The following GALNT13 variants were observed in gnomAD, a reference collection of about 807,000 sequenced individuals.
GALNT13 encodes the protein UDP-GalNAc:polypeptide N-acetylgalactosaminyltransferase 13.
In GALNT13, 28 loss-of-function variants were observed where a neutral mutation model predicts 64.2. The ratio of observed to expected loss-of-function variants is 0.44; its 90% CI spans 0.32 to 0.60. The LOEUF (loss-of-function observed/expected upper bound fraction) is 0.60. Among genes scored for constraint, GALNT13 ranks in the 20% least tolerant of loss-of-function variants. GALNT13 has a pLI of 0.05. For synonymous variants in GALNT13, 214 were observed against 224.6 expected, an observed-to-expected ratio of 0.95 and a Z score of 0.42; for missense variants, 577 against 669.8, an observed-to-expected ratio of 0.86 and a Z score of 1.53.
the GALNT13 span, among the ~76,000 whole-genome samples, chr2:153,224,494 A>ATT: frequency 3.4e-4 from 52 of 151,886 alleles, no homozygotes; most frequent in African/African-American, 9.2e-4. Context: ...TAAAAGTTGA[A>ATT]TTTTTTTTAA....
the GALNT13 span, among the ~76,000 whole-genome samples, chr2:153,525,212 T>G: frequency 6.6e-6 from 1 of 152,132 alleles, no homozygotes; most frequent in Non-Finnish European, 1.5e-5. Context: ...ACCTCCTAGC[T>G]AAAGAGCCCT....
intron 9 of GALNT13, among the ~76,000 whole-genome samples, chr2:154,332,848 T>A (rs1001634741): frequency 6.6e-6 from 1 of 152,166 alleles, no homozygotes. Flanking sequence ...ATAAGAAATC[T>A]ATCTTCTCAT....
the GALNT13 span, among the ~76,000 whole-genome samples, chr2:153,532,352 T>C: frequency 1.4e-4 from 22 of 152,218 alleles, no homozygotes; most frequent in African/African-American, 5.3e-4. Flanking sequence ...CTGGTCCATC[T>C]GGGATGCAGG....
chr2:153,805,774 T>C, the GALNT13 span, among the ~76,000 whole-genome samples: 7 of 152,202 alleles, frequency 4.6e-5, no homozygotes, highest in Admixed American at 3.3e-4. Flanking sequence ...TTAGTACTTA[T>C]GAGATTTACT....
chr2:153,151,871 C>T, the GALNT13 span, among the ~76,000 whole-genome samples: 1 of 151,856 alleles, frequency 6.6e-6, no homozygotes, highest in African/African-American at 2.4e-5. Context: ...TGGAGATACA[C>T]CTAATGTTAA....
the GALNT13 span, among the ~76,000 whole-genome samples, chr2:153,192,866 G>A: frequency 1.3e-5 from 2 of 151,928 alleles, no homozygotes; most frequent in Admixed American, 6.6e-5. Flanking sequence ...CATCTTCTGT[G>A]TATAGTCTAT....
chr2:153,119,678 C>A, the GALNT13 span, among the ~76,000 whole-genome samples: 1 of 152,166 alleles, frequency 6.6e-6, no homozygotes, highest in Non-Finnish European at 1.5e-5. Context: ...GTTGCCTATG[C>A]GCATGCCAGG....
At chr2:154,317,250 A>G (rs551141736) in intron 9 of GALNT13, among the ~76,000 whole-genome samples, 2 of 152,028 alleles carry the variant, frequency 1.3e-5, no homozygotes, top group East Asian at 1.9e-4. Context: ...GGTTTTTACT[A>G]AAAGGAGCTC....
At chr2:154,346,040 T>G (rs1229694764) in intron 9 of GALNT13, among the ~76,000 whole-genome samples, 1 of 151,996 alleles carries the variant, frequency 6.6e-6, no homozygotes, top group Non-Finnish European at 1.5e-5. Flanking sequence ...CAGTCCAGCA[T>G]CATACAAAGT....
chr2:154,022,579 T>C (rs1047274681), intron 3 of GALNT13, among the ~76,000 whole-genome samples: 22 of 152,156 alleles, frequency 1.4e-4, no homozygotes, highest in Non-Finnish European at 2.6e-4. Flanking sequence ...ATCTGATTCT[T>C]CTCTCTTTTC....
chr2:153,765,931 C>A, the GALNT13 span, among the ~76,000 whole-genome samples: 4 of 152,182 alleles, frequency 2.6e-5, no homozygotes, highest in Non-Finnish European at 5.9e-5. Flanking sequence ...CTTTTCCCCT[C>A]CTTTACCTTC....
chr2:153,885,975 G>A (rs1248740589), intron 1 of GALNT13, among the ~76,000 whole-genome samples: 2 of 151,884 alleles, frequency 1.3e-5, no homozygotes, highest in East Asian at 3.9e-4. Flanking sequence ...AATAATCATA[G>A]TTAGCTTTCT....
the GALNT13 span, among the ~76,000 whole-genome samples, chr2:153,458,020 T>C: frequency 6.6e-6 from 1 of 152,168 alleles, no homozygotes; most frequent in Non-Finnish European, 1.5e-5. Flanking sequence ...TACAAACGGC[T>C]CTTTTTGTTT....
chr2:154,219,682 G>A (rs1158714111), intron 4 of GALNT13, among the ~76,000 whole-genome samples: 1 of 151,998 alleles, frequency 6.6e-6, no homozygotes, highest in Admixed American at 6.6e-5. Flanking sequence ...GAAGGCATGG[G>A]CCAGGGGTAC....
intron 3 of GALNT13, among the ~76,000 whole-genome samples, chr2:154,025,364 C>T (rs1407418690): frequency 6.6e-6 from 1 of 152,216 alleles, no homozygotes; most frequent in Non-Finnish European, 1.5e-5. Context: ...CCTCTGATCT[C>T]ACCATCTGGA....
chr2:153,170,469 T>C, the GALNT13 span, among the ~76,000 whole-genome samples: 1 of 152,230 alleles, frequency 6.6e-6, no homozygotes, highest in Non-Finnish European at 1.5e-5. Flanking sequence ...TATATATGGA[T>C]ATGTAAACAT....
the GALNT13 span, among the ~76,000 whole-genome samples, chr2:153,565,936 G>A: frequency 1.3e-5 from 2 of 151,968 alleles, no homozygotes; most frequent in African/African-American, 4.8e-5. Flanking sequence ...ATAATGACTG[G>A]TACATAAAAA....
At chr2:153,763,512 A>G in the GALNT13 span, among the ~76,000 whole-genome samples, 1 of 152,168 alleles carries the variant, frequency 6.6e-6, no homozygotes, top group Admixed American at 6.5e-5. Flanking sequence ...TTCCCTGCCC[A>G]GGCTCTCTTG....
At chr2:153,243,383 A>G in the GALNT13 span, among the ~76,000 whole-genome samples, 1 of 152,268 alleles carries the variant, frequency 6.6e-6, no homozygotes, top group African/African-American at 2.4e-5. Context: ...TGTGGAGTTA[A>G]CCTTGCCCCT....
Sources: allele counts gnomAD v4.1 joint callset (sites outside exome capture counted in the v4.1 genomes callset), GRCh38; gene constraint gnomAD v4.1.1; transcripts MANE v1.5; gene names NCBI Gene and HGNC (gene_info 2026-07-23, HGNC 2026-07-21).